Variants in CTBP1 observed in about 807,000 individuals in gnomAD.
The protein encoded by CTBP1 is C-terminal-binding protein 1.
In CTBP1, 11 loss-of-function variants were observed where a neutral mutation model predicts 42.1. That is an observed-to-expected ratio of 0.26 (90% CI 0.16 to 0.43). The LOEUF is 0.43. Among genes scored for constraint, CTBP1 ranks in the 20% least tolerant of loss-of-function variants. The probability of loss-of-function intolerance (pLI) is 1.00; values close to 1 mark genes in which losing one functional copy is unlikely to be tolerated. For missense variants in CTBP1, 399 were observed against 624.3 expected, an observed-to-expected ratio of 0.64 and a Z score of 3.85; for synonymous variants, 324 against 277.1, an observed-to-expected ratio of 1.17 and a Z score of -1.68.
chr4:1,241,647 C>T (rs1230089494), intron 1 of CTBP1, 128 bp from the exon 2 acceptor site: 3 of 1,349,790 alleles, frequency 2.2e-6, no homozygotes, highest in Non-Finnish European at 2.9e-6. Context: ...TGTCTGGGAC[C>T]TACCTGGACT....
Position 1,233,850 on chromosome 4 carries a change from A to G in CTBP1, c.162+4333T>C, listed in dbSNP as rs898259978. Among the ~76,000 whole-genome samples, 11 of 152,216 alleles carry G rather than the reference A, an allele frequency of 7.2e-5. No homozygotes were observed. ...GCCCCAGGAGGCAGAATTCCTGACT[A>G]ACAGTGGCACACAAAGCAGGTGTTC... On this transcript the variant is annotated intron_variant, in intron 3 of 9. Transcript: ENST00000382952. This position sits in a 1 kb window ranked among gnomAD's most constrained non-coding sequence, Gnocchi z 4.6.
intron 3 of CTBP1, chr4:1,231,179 A>ATCCACAGG (rs1483899072): frequency 1.3e-5 from 2 of 151,576 alleles, no homozygotes; most frequent in African/African-American, 2.4e-5. Flanking sequence ...CGGCCACGTC[A>ATCCACAGG]TCCACAGGTC....
upstream of CTBP1, chr4:1,249,185 G>GCGCGGGCGGCGCACGGACTCA (rs1242105728): frequency 1.4e-5 from 2 of 147,156 alleles, no homozygotes; most frequent in Non-Finnish European, 3.0e-5. Flanking sequence ...CTGGTTCCCA[G>GCGCGGGCGGCGCACGGACTCA]CGCGGGCGGC....
intron 5 of CTBP1, chr4:1,221,679 G>T (rs968338183): frequency 3.4e-6 from 1 of 296,650 alleles, no homozygotes; most frequent in Non-Finnish European, 6.8e-6. Context: ...GCTGGGGAAG[G>T]CCCTCTGCTC....
intron 6 of CTBP1, 106 bp downstream of exon 6, chr4:1,215,885 G>A (rs964348198): frequency 2.6e-5 from 32 of 1,251,030 alleles, no homozygotes; most frequent in Middle Eastern, 2.7e-4. Context: ...CTCGCTGAAG[G>A]CAGGGTCTTG....
Position 1,238,059 on chromosome 4 carries a change from G to T in CTBP1, c.162+124C>A. ...CCTCCTGACGGCGCGGGACGACTGGGACAGAGGCTGCTCCTGCCCCAGTGG... is the reference window on the plus strand; with the variant it reads ...CCTCCTGACGGCGCGGGACGACTGGTACAGAGGCTGCTCCTGCCCCAGTGG... On this transcript the variant is annotated intron_variant, in intron 3 of 9. Coordinates refer to ENST00000382952, the MANE Select transcript of CTBP1 (RefSeq NM_001012614.2). This position sits in a 1 kb window ranked among gnomAD's most constrained non-coding sequence, Gnocchi z 5.9. 7.7e-7 allele frequency: 1 copy of T among 1,304,320 alleles called. No homozygotes were observed. The highest frequency in any genetic ancestry group is 1.1e-6 in the Non-Finnish European group (1 of 907,754). 80.8% of individuals were successfully genotyped at this position (1,304,320 alleles called of 1,614,324 possible). A position where few individuals can be genotyped will look rare whatever the true frequency, so the allele number is the denominator to read the frequency against.
upstream of CTBP1, chr4:1,249,481 C>T (rs867027354): frequency 1.8e-3 from 265 of 150,206 alleles, 2 homozygotes; most frequent in Middle Eastern, 0.013. Context: ...ACGTAAATGG[C>T]GCTCCTCCGC....
Position 1,241,495 on chromosome 4 carries a change from A to C in CTBP1, c.-164T>G. On this transcript the variant is annotated 5_prime_UTR_variant, in exon 2 of 10. Coordinates refer to ENST00000382952, the MANE Select transcript of CTBP1 (RefSeq NM_001012614.2). ...GCTTCTGATCCGCGGCAATCACTGA[A>C]GCCTGCGTCGGGGTCAAAGTCTTAC... is the stretch of plus-strand genomic sequence containing the variant. The C allele has an allele frequency of 1.2e-6, 2 of 1,603,870 alleles. No homozygotes were observed. Among genetic ancestry groups the C allele is most frequent in the South Asian group, 2.2e-5 (2 of 90,492 alleles).
intron 3 of CTBP1, chr4:1,237,080 C>T (rs1439953906): frequency 1.5e-6 from 1 of 653,798 alleles, no homozygotes; most frequent in African/African-American, 1.9e-5. Context: ...AGGGAAAACC[C>T]CGTGTCCACC....
intron 8 of CTBP1, 163 bp from the exon 9 acceptor site, chr4:1,213,193 G>C (rs1728725550): frequency 1.3e-6 from 1 of 748,652 alleles, no homozygotes; most frequent in Admixed American, 2.7e-5. Flanking sequence ...CTGGGCACTG[G>C]CACCCTTGCA....
At chr4:1,212,519 C>T in intron 9 of CTBP1, 96 bp from the exon 10 acceptor site, 1 of 1,056,608 alleles carries the variant, frequency 9.5e-7, no homozygotes. Flanking sequence ...GGGGGCCTCT[C>T]CAGGAGGACC....
Position 1,211,979 on chromosome 4 carries a change from A to G in CTBP1, c.*261T>C. On this transcript the variant is annotated 3_prime_UTR_variant, in exon 10 of 10. Transcript: ENST00000382952. ...TCCTTTGTAATGTTCTAAAAACTGT[A>G]CACAGACAAGAACGTTCATGGGAGA... is the stretch of plus-strand genomic sequence containing the variant. The G allele has an allele frequency of 2.8e-6, 1 of 351,782 alleles. No homozygotes were observed. The highest frequency in any genetic ancestry group is 5.1e-6 in the Non-Finnish European group (1 of 196,900). The allele number at this position is 351,782 out of a possible 1,614,324, so 21.8% of individuals were successfully genotyped here.
At chr4:1,245,219 C>T (rs939237708) in intron 1 of CTBP1, 14 of 985,322 alleles carry the variant, frequency 1.4e-5, no homozygotes, top group South Asian at 1.4e-4. Context: ...CCTGCAGGGC[C>T]GCATCACAGC....
chr4:1,245,009 C>T, intron 1 of CTBP1: 1 of 985,500 alleles, frequency 1.0e-6, no homozygotes, highest in Non-Finnish European at 1.2e-6. Flanking sequence ...GGGAGCCGCA[C>T]AGCAGCATGG....
At chr4:1,214,189 AC>A in intron 7 of CTBP1, 153 bp downstream of exon 7, 1 of 1,009,714 alleles carries the variant, frequency 9.9e-7, no homozygotes, top group Non-Finnish European at 1.4e-6. Context: ...CTCCATCCTC[AC>A]CCCGCAGCGG....
chr4:1,246,796 C>A (rs1732764237), intron 1 of CTBP1, among the ~76,000 whole-genome samples: 1 of 152,212 alleles, frequency 6.6e-6, no homozygotes, highest in African/African-American at 2.4e-5. Flanking sequence ...GAGCCTGGGG[C>A]CCGTTTCCTG....
At chr4:1,220,396 G>A (rs1271858332) in intron 5 of CTBP1, among the ~76,000 whole-genome samples, 1 of 151,994 alleles carries the variant, frequency 6.6e-6, no homozygotes, top group African/African-American at 2.4e-5. Flanking sequence ...TACTGATAAC[G>A]ACGAAACACC....
chr4:1,248,759 G>C, intron 1 of CTBP1, 157 bp downstream of exon 1: 1 of 976,098 alleles, frequency 1.0e-6, no homozygotes, highest in South Asian at 4.7e-5. Context: ...GCCCCCGACC[G>C]CGGCCACGCG....
At position 1,242,923 on chromosome 4, in the gene CTBP1, T is replaced by A. The variant is rs1297148765; in HGVS notation, c.-188-1404A>T. 4.1e-6 allele frequency: 4 copies of A among 984,800 alleles called. No homozygotes were observed. The East Asian group carries it at 4.5e-4, about 112-fold the overall frequency. The allele number at this position is 984,800 out of a possible 1,614,324, so 61.0% of individuals were successfully genotyped here. A position where few individuals can be genotyped will look rare whatever the true frequency, so the allele number is the denominator to read the frequency against. ...CAAACTCATCAATGCCAGCCGATAC[T>A]CATCAACGCCAGCCGATACTCATCA... On this transcript the variant is annotated intron_variant, in intron 1 of 9. Coordinates refer to ENST00000382952, the MANE Select transcript of CTBP1 (RefSeq NM_001012614.2).
Sources: allele counts gnomAD v4.1 joint callset (sites outside exome capture counted in the v4.1 genomes callset), GRCh38; gene constraint gnomAD v4.1.1; non-coding constraint Gnocchi (gnomAD v3.1); transcripts MANE v1.5; gene names NCBI Gene and HGNC (gene_info 2026-07-23, HGNC 2026-07-21).